Variants in EFCAB11 observed in about 807,000 individuals in gnomAD.
EFCAB11 encodes EF-hand calcium-binding domain-containing protein 11.
Under a neutral mutation model 23.0 loss-of-function variants are expected in EFCAB11, and 14 were observed. That is an observed-to-expected ratio of 0.61 (90% CI 0.40 to 0.95). The LOEUF is 0.95. Among genes scored for constraint, EFCAB11 ranks in the 40% least tolerant of loss-of-function variants. The pLI, the probability that EFCAB11 is intolerant of heterozygous loss-of-function variation, is 0.00. For missense variants in EFCAB11, 198 were observed against 195.8 expected (o/e 1.01, Z -0.07); for synonymous variants, 65 against 66.6 (o/e 0.98, Z 0.11).
At chr14:89,853,268 G>A (rs1193424730) in intron 5 of EFCAB11, among the ~76,000 whole-genome samples, 7 of 152,190 alleles carry the variant, frequency 4.6e-5, no homozygotes, top group African/African-American at 1.7e-4. Context: ...AGTTCACCAC[G>A]TCGTGGGCAT....
At chr14:89,864,710 AT>A (rs1170918046) in intron 5 of EFCAB11, among the ~76,000 whole-genome samples, 2 of 152,146 alleles carry the variant, frequency 1.3e-5, no homozygotes, top group Non-Finnish European at 2.9e-5. Context: ...AAGTGCTGGG[AT>A]TACAGGCGTG....
chr14:89,954,437 T>G (rs1410540016), intron 1 of EFCAB11, 149 bp downstream of exon 1: 1 of 1,537,116 alleles, frequency 6.5e-7, no homozygotes, highest in Non-Finnish European at 8.7e-7. Flanking sequence ...GCCCTGCAGC[T>G]CCAGGATCAG....
At chr14:89,903,580 G>C (rs986660332) in intron 5 of EFCAB11, among the ~76,000 whole-genome samples, 1 of 151,304 alleles carries the variant, frequency 6.6e-6, no homozygotes, top group Non-Finnish European at 1.5e-5. Context: ...AGAAGGGGGG[G>C]GGCAATTCTG....
intron 5 of EFCAB11, among the ~76,000 whole-genome samples, chr14:89,896,083 G>C (rs1382948512): frequency 6.6e-6 from 1 of 152,108 alleles, no homozygotes; most frequent in Non-Finnish European, 1.5e-5. Flanking sequence ...CACTCAACCG[G>C]GAAAGATTAA....
At chr14:89,832,837 G>A (rs1386684404) in intron 5 of EFCAB11, among the ~76,000 whole-genome samples, 1 of 152,030 alleles carries the variant, frequency 6.6e-6, no homozygotes, top group Admixed American at 6.6e-5. Context: ...TCTACTCAAC[G>A]CCTATCTCTT....
At chr14:89,859,434 G>C (rs918583127) in intron 5 of EFCAB11, among the ~76,000 whole-genome samples, 2 of 152,210 alleles carry the variant, frequency 1.3e-5, no homozygotes, top group African/African-American at 4.8e-5. Context: ...ACGGAGGAGA[G>C]ACTTGTGTTT....
At chr14:89,872,362 G>C (rs1363825633) in intron 5 of EFCAB11, among the ~76,000 whole-genome samples, 2 of 152,200 alleles carry the variant, frequency 1.3e-5, no homozygotes, top group Non-Finnish European at 2.9e-5. Flanking sequence ...AGCCTTTAGG[G>C]AAGCTGAAAT....
chr14:89,816,532 G>A (rs950235447), intron 5 of EFCAB11, among the ~76,000 whole-genome samples: 2 of 152,060 alleles, frequency 1.3e-5, no homozygotes, highest in African/African-American at 4.8e-5. Context: ...ATGTTAAAAG[G>A]CTTAAAAGGG....
chr14:89,931,762 C>A, intron 4 of EFCAB11, 131 bp from the exon 5 acceptor site: 1 of 703,122 alleles, frequency 1.4e-6, no homozygotes, highest in Non-Finnish European at 2.4e-6. Context: ...CGATTGATTT[C>A]ACAGATAAGG....
At chr14:89,814,253 G>C (rs1886252253) in intron 5 of EFCAB11, among the ~76,000 whole-genome samples, 1 of 152,094 alleles carries the variant, frequency 6.6e-6, no homozygotes, top group South Asian at 2.1e-4. Context: ...TCGCTGAAGG[G>C]ATCTGTGGTG....
chr14:89,798,880 C>T (rs372420693), intron 5 of EFCAB11, among the ~76,000 whole-genome samples: 2 of 152,124 alleles, frequency 1.3e-5, no homozygotes, highest in African/African-American at 4.8e-5. Context: ...TCCGCCTCTC[C>T]GGCTCAAGCA....
At chr14:89,847,741 C>CAAAAAAAAAAAAAAAAA (rs561016492) in intron 5 of EFCAB11, among the ~76,000 whole-genome samples, 1 of 92,094 alleles carries the variant, frequency 1.1e-5, no homozygotes, top group African/African-American at 3.9e-5. Flanking sequence ...CTCTGTCTCA[C>CAAAAAAAAAAAAAAAAA]AAAAAAAAAA....
chr14:89,917,087 T>C (rs985570206), intron 5 of EFCAB11, among the ~76,000 whole-genome samples: 2 of 130,202 alleles, frequency 1.5e-5, no homozygotes, highest in South Asian at 4.3e-4. Flanking sequence ...TGTGTGTGTG[T>C]GTGTGTGTGT....
chr14:89,853,798 C>A (rs1447632734), intron 5 of EFCAB11, among the ~76,000 whole-genome samples: 1 of 152,056 alleles, frequency 6.6e-6, no homozygotes, highest in Non-Finnish European at 1.5e-5. Context: ...GTAGGTAGTA[C>A]AATCTGCAAT....
chr14:89,867,697 C>T (rs1407712061), intron 5 of EFCAB11, among the ~76,000 whole-genome samples: 1 of 152,176 alleles, frequency 6.6e-6, no homozygotes, highest in Admixed American at 6.5e-5. Context: ...AGGAAGTTAT[C>T]AGTTATGCAC....
intron 5 of EFCAB11, among the ~76,000 whole-genome samples, chr14:89,915,675 T>C (rs1231269653): frequency 6.6e-6 from 1 of 152,162 alleles, no homozygotes; most frequent in African/African-American, 2.4e-5. Flanking sequence ...TTAGTAAAGG[T>C]CATCAGAGAA....
Position 89,853,525 on chromosome 14 carries a change from A to G in EFCAB11, c.411-56201T>C, listed in dbSNP as rs182964339. ...CTAGGCACAGAGAGGCACCTAAGCA[A>G]CTTACCCAAAGTCACACCACTAGGA... is the stretch of plus-strand genomic sequence containing the variant. On this transcript the variant is annotated intron_variant, in intron 5 of 5. Coordinates refer to ENST00000316738, the MANE Select transcript of EFCAB11 (RefSeq NM_145231.4). Among the ~76,000 whole-genome samples the G allele has an allele frequency of 3.9e-5, 6 of 152,306 alleles. No individual in the cohort carries two copies. The East Asian group carries it at 9.6e-4, about 24-fold the overall frequency.
At chr14:89,847,723 G>A (rs1381206590) in intron 5 of EFCAB11, among the ~76,000 whole-genome samples, 16 of 98,146 alleles carry the variant, frequency 1.6e-4, no homozygotes, top group Non-Finnish European at 2.6e-4. Flanking sequence ...TGGGAAACAA[G>A]AGAGAAACTC....
chr14:89,853,088 CT>C (rs1413851675), intron 5 of EFCAB11, among the ~76,000 whole-genome samples: 2 of 152,230 alleles, frequency 1.3e-5, no homozygotes, highest in African/African-American at 4.8e-5. Context: ...TACATTCCAT[CT>C]GTTTGCCTGA....
Sources: gnomAD v4.1 joint callset for allele counts (sites outside exome capture counted in the v4.1 genomes callset) on GRCh38, gnomAD v4.1.1 for gene constraint, MANE v1.5 for transcripts, NCBI Gene and HGNC (gene_info 2026-07-23, HGNC 2026-07-21) for gene names.